C12orf42: variants seen among roughly 807,000 people sequenced by gnomAD.
C12orf42 encodes the protein uncharacterized protein C12orf42.
C12orf42 carries 25 observed loss-of-function variants against 21.6 expected under a neutral mutation model. The observed-to-expected ratio is 1.16, with a 90% confidence interval of 0.84 to 1.62. The LOEUF (loss-of-function observed/expected upper bound fraction) is 1.62, where lower values mean the gene tolerates loss of function less well. Among genes scored for constraint, C12orf42 ranks in the 40% most tolerant of loss-of-function variants. C12orf42 has a pLI of 0.00. For synonymous variants in C12orf42, 174 were observed against 175.0 expected (o/e 0.99, Z 0.05); for missense variants, 483 against 459.3 (o/e 1.05, Z -0.47).
the C12orf42 span, among the ~76,000 whole-genome samples, chr12:103,541,613 G>T: frequency 1.3e-5 from 2 of 152,012 alleles, no homozygotes; most frequent in African/African-American, 4.8e-5. Context: ...TTATTTATTT[G>T]CTATGCTATG....
chr12:103,266,573 G>A (rs1456950759), downstream of C12orf42, among the ~76,000 whole-genome samples: 1 of 152,092 alleles, frequency 6.6e-6, no homozygotes, highest in South Asian at 2.1e-4. Flanking sequence ...GGTCGAGGTA[G>A]GCATGTGTAA....
At chr12:103,271,757 A>G (rs1566008840) in intron 5 of C12orf42, among the ~76,000 whole-genome samples, 2 of 152,164 alleles carry the variant, frequency 1.3e-5, no homozygotes, top group Non-Finnish European at 2.9e-5. Flanking sequence ...TCCCCACTCA[A>G]ATGCTGCAAC....
chr12:103,097,142 A>G, the C12orf42 span, among the ~76,000 whole-genome samples: 1 of 152,238 alleles, frequency 6.6e-6, no homozygotes, highest in African/African-American at 2.4e-5. Context: ...TCAGATATAT[A>G]TTGAAAATAA....
chr12:103,343,688 C>T (rs904029036), intron 4 of C12orf42, among the ~76,000 whole-genome samples: 2 of 150,540 alleles, frequency 1.3e-5, no homozygotes, highest in African/African-American at 2.4e-5. Context: ...GCAGAAGAAT[C>T]GCTTGAACCC....
intron 10 of C12orf42, among the ~76,000 whole-genome samples, chr12:103,258,624 A>G (rs573866148): frequency 5.3e-5 from 8 of 152,128 alleles, no homozygotes; most frequent in Non-Finnish European, 1.0e-4. Flanking sequence ...CATTAGAACT[A>G]ACGAAGATCC....
chr12:103,196,655 T>C, the C12orf42 span, among the ~76,000 whole-genome samples: 1 of 152,204 alleles, frequency 6.6e-6, no homozygotes, highest in East Asian at 1.9e-4. Flanking sequence ...GTTGAATCTG[T>C]CTTTATTATT....
At chr12:103,250,197 T>G (rs190903667) in intron 10 of C12orf42, among the ~76,000 whole-genome samples, 1 of 152,164 alleles carries the variant, frequency 6.6e-6, no homozygotes, top group Non-Finnish European at 1.5e-5. Context: ...AGGAGGTTTA[T>G]CAGCTCATAT....
At chr12:103,201,505 TA>T in the C12orf42 span, among the ~76,000 whole-genome samples, 6 of 150,050 alleles carry the variant, frequency 4.0e-5, no homozygotes, top group East Asian at 1.9e-4. Context: ...AAATGAAAAT[TA>T]AAAAAAAAAG....
intron 1 of C12orf42, among the ~76,000 whole-genome samples, chr12:103,494,697 G>A (rs75073024): frequency 0.037 from 5,681 of 152,188 alleles, 117 homozygotes; most frequent in Middle Eastern, 0.099. Context: ...ATTTTAAGTA[G>A]GCCCGGCAAT....
the C12orf42 span, among the ~76,000 whole-genome samples, chr12:103,116,367 C>T: frequency 1.0e-5 from 1 of 100,340 alleles, no homozygotes; most frequent in Non-Finnish European, 2.0e-5. Flanking sequence ...TCCATCTCAC[C>T]AAGAAAAAAA....
intron 4 of C12orf42, among the ~76,000 whole-genome samples, 180 bp from the exon 5 acceptor site, chr12:103,306,525 G>A (rs1054975495): frequency 1.1e-4 from 17 of 152,164 alleles, no homozygotes; most frequent in Admixed American, 2.6e-4. Flanking sequence ...GGAGGGTCTG[G>A]AAAGGGAGGT....
the C12orf42 span, among the ~76,000 whole-genome samples, chr12:103,061,048 C>T: frequency 3.9e-5 from 6 of 152,130 alleles, no homozygotes; most frequent in Non-Finnish European, 8.8e-5. Context: ...TAGCAGTCCA[C>T]GTTTCCTGCT....
the C12orf42 span, among the ~76,000 whole-genome samples, chr12:103,089,135 G>A: frequency 3.0e-5 from 4 of 134,048 alleles, no homozygotes; most frequent in African/African-American, 1.2e-4. Context: ...GAATCAACTC[G>A]GCAACCCCTT....
At chr12:103,375,845 T>C (rs937459221) in intron 3 of C12orf42, among the ~76,000 whole-genome samples, 4 of 152,212 alleles carry the variant, frequency 2.6e-5, no homozygotes, top group African/African-American at 9.6e-5. Context: ...CATAGTCAAA[T>C]GGACAAGGTC....
At chr12:103,269,863 C>T in intron 5 of C12orf42, 1 of 152,316 alleles carries the variant, frequency 6.6e-6, no homozygotes, top group Non-Finnish European at 1.5e-5. Flanking sequence ...TCTGAAATGG[C>T]AAAGGATGGA....
Position 103,318,852 on chromosome 12 carries a change from C to T in C12orf42, c.260-12507G>A, listed in dbSNP as rs533479150. 3.3e-3 allele frequency among the ~76,000 whole-genome samples: 506 copies of T among 152,298 alleles called. 4 individuals are homozygous for T. Among genetic ancestry groups the T allele is most frequent in the African/African-American group, 0.012 (481 of 41,558 alleles). The stretch of plus-strand genomic sequence containing the variant: ...TACTCACACAATTCAACTGGCCATG[C>T]CCCAGTGCAATATTTCACATCGTGC... On this transcript the variant is annotated intron_variant, in intron 4 of 5. Coordinates refer to ENST00000548883, the MANE Select transcript of C12orf42 (RefSeq NM_198521.5).
At chr12:103,545,343 T>G in the C12orf42 span, among the ~76,000 whole-genome samples, 1 of 152,192 alleles carries the variant, frequency 6.6e-6, no homozygotes, top group African/African-American at 2.4e-5. Flanking sequence ...TGCAAATAAA[T>G]GTATATAATA....
chr12:103,499,645 C>T (rs892785816), upstream of C12orf42, among the ~76,000 whole-genome samples: 3 of 152,194 alleles, frequency 2.0e-5, no homozygotes, highest in Admixed American at 2.0e-4. Flanking sequence ...TTGTTTTAAG[C>T]AGAATCTTGT....
intron 1 of C12orf42, among the ~76,000 whole-genome samples, chr12:103,483,639 A>C (rs1954623054): frequency 6.6e-6 from 1 of 151,878 alleles, no homozygotes; most frequent in Non-Finnish European, 1.5e-5. Flanking sequence ...TGTCAGGTTT[A>C]TGTTTTTTTT....
Sources: allele counts gnomAD v4.1 joint callset (sites outside exome capture counted in the v4.1 genomes callset), GRCh38; gene constraint gnomAD v4.1.1; transcripts MANE v1.5; gene names NCBI Gene and HGNC (gene_info 2026-07-23, HGNC 2026-07-21).